Variants in GIPC2 observed in about 807,000 individuals in gnomAD.
The protein encoded by GIPC2 is GIPC PDZ domain containing family member 2.
A neutral mutation model predicts 30.6 loss-of-function variants in GIPC2; 30 were observed. The observed-to-expected ratio is 0.98, with a 90% CI of 0.73 to 1.33. The LOEUF is 1.33. Ranked by LOEUF, GIPC2 falls within the 40% of genes most tolerant of loss-of-function variation. GIPC2 has a pLI of 0.00. For missense variants in GIPC2, 414 were observed against 390.3 expected, an observed-to-expected ratio of 1.06 and a Z score of -0.51; for synonymous variants, 167 against 150.0, an observed-to-expected ratio of 1.11 and a Z score of -0.83.
At position 78,046,352 on chromosome 1, in the gene GIPC2, C is replaced by T. The variant is rs1159105440; in HGVS notation, c.240+18C>T. 3.8e-6 allele frequency: 6 copies of T among 1,590,318 alleles called. No individual in the cohort carries two copies. Among genetic ancestry groups the T allele is most frequent in the Non-Finnish European group, 4.3e-6 (5 of 1,167,570 alleles). ...CGTCGGAGGTAAGGCGCCAGGTGCT[C>T]AGGCTCTCCCGCCTCTCCGCCGCGC... On this transcript the variant is annotated intron_variant, in intron 1 of 5. Transcript: ENST00000370759.
intron 1 of GIPC2, among the ~76,000 whole-genome samples, chr1:78,076,638 C>T (rs552641705): frequency 2.9e-4 from 44 of 152,300 alleles, no homozygotes; most frequent in African/African-American, 8.9e-4. Flanking sequence ...CTGCTACTCA[C>T]CTCCTGCTGT....
intron 1 of GIPC2, among the ~76,000 whole-genome samples, chr1:78,077,425 AAT>A (rs1234483116): frequency 1.3e-5 from 2 of 152,178 alleles, no homozygotes; most frequent in African/African-American, 4.8e-5. Context: ...TAGAAAATGA[AAT>A]AGTCATGGGT....
intron 3 of GIPC2, among the ~76,000 whole-genome samples, chr1:78,097,651 T>G (rs1056822528): frequency 6.6e-6 from 1 of 152,182 alleles, no homozygotes; most frequent in Admixed American, 6.5e-5. Flanking sequence ...CAGGGGCCAT[T>G]ATATGTGTTA....
chr1:78,087,900 G>A (rs1661961554), intron 2 of GIPC2, among the ~76,000 whole-genome samples: 1 of 151,520 alleles, frequency 6.6e-6, no homozygotes, highest in Non-Finnish European at 1.5e-5. Context: ...TTTAAGGAAA[G>A]TTACCAGAAA....
At chr1:78,073,684 G>A (rs1200087521) in intron 1 of GIPC2, among the ~76,000 whole-genome samples, 1 of 152,152 alleles carries the variant, frequency 6.6e-6, no homozygotes, top group Non-Finnish European at 1.5e-5. Context: ...AGTTGGAAGT[G>A]GACTTCCTGG....
At chr1:78,065,029 G>A (rs1661478724) in intron 1 of GIPC2, among the ~76,000 whole-genome samples, 1 of 152,110 alleles carries the variant, frequency 6.6e-6, no homozygotes, top group African/African-American at 2.4e-5. Flanking sequence ...ATAGGTGTGA[G>A]CCACTGTGCC....
chr1:78,113,600 G>T (rs748297057), intron 3 of GIPC2, among the ~76,000 whole-genome samples: 29 of 152,080 alleles, frequency 1.9e-4, no homozygotes, highest in Non-Finnish European at 3.7e-4. Flanking sequence ...TATTGCCTAG[G>T]CTGGTCTCGA....
At chr1:78,067,442 T>C (rs781261209) in intron 1 of GIPC2, among the ~76,000 whole-genome samples, 3 of 152,136 alleles carry the variant, frequency 2.0e-5, no homozygotes, top group Non-Finnish European at 4.4e-5. Context: ...CAAATTTTTC[T>C]TTTCTTTTTC....
At chr1:78,053,104 T>C (rs1033237598) in intron 1 of GIPC2, among the ~76,000 whole-genome samples, 1 of 152,284 alleles carries the variant, frequency 6.6e-6, no homozygotes, top group South Asian at 2.1e-4. Flanking sequence ...AATATTACTA[T>C]TGAGGTCTGA....
Position 78,125,950 on chromosome 1 carries a change from G to A in GIPC2, c.784G>A (p.Asp262Asn). ...DVLELYMGIR[D>N]IDLATTMFEA... ...TCTTGAGTTGTACATGGGAATTCGA[G>A]ATATTGATTTAGGTAAGATTATACT... Residue 262 changes from aspartate to asparagine, a missense_variant, in exon 5 of 6, where the codon GAT (aspartate) becomes AAT (asparagine). Coordinates refer to ENST00000370759, the MANE Select transcript of GIPC2 (RefSeq NM_017655.6). 1.3e-6 allele frequency: 2 copies of A among 1,510,736 alleles called. No individual in the cohort carries two copies. The highest frequency in any genetic ancestry group is 1.8e-6 in the Non-Finnish European group (2 of 1,086,192). 93.6% of individuals were successfully genotyped at this position (1,510,736 alleles called of 1,614,324 possible). A position where few individuals can be genotyped will look rare whatever the true frequency, so the allele number is the denominator to read the frequency against.
In GIPC2 at chr1:78,118,247, C is replaced by CAAAAAAA. The variant is rs71810685; in HGVS notation, c.608-1129_608-1123dup. On this transcript the variant is annotated intron_variant, in intron 3 of 5. Coordinates refer to ENST00000370759, the MANE Select transcript of GIPC2 (RefSeq NM_017655.6). ...CTGGCCTGAGTCTCCAGTTTCATTG[C>CAAAAAAA]AAAAAAAAAAAAAAAAAAAAAAAGT... is the stretch of plus-strand genomic sequence containing the variant. 1.3e-3 allele frequency among the ~76,000 whole-genome samples: 46 copies of CAAAAAAA among 34,230 alleles called. 7 individuals carry two copies. The highest frequency in any genetic ancestry group is 3.8e-3 in the South Asian group (3 of 782). 22.5% of individuals were successfully genotyped at this position (34,230 alleles called of 152,430 possible).
chr1:78,049,893 CTTTTTTTTTTT>C (rs35263483), intron 1 of GIPC2, among the ~76,000 whole-genome samples: 5 of 98,464 alleles, frequency 5.1e-5, no homozygotes, highest in African/African-American at 1.1e-4. Flanking sequence ...AGAAAAACCT[CTTTTTTTTTTT>C]TTTTTTTTTT....
At chr1:78,105,277 T>G (rs1476961633) in intron 3 of GIPC2, among the ~76,000 whole-genome samples, 1 of 151,944 alleles carries the variant, frequency 6.6e-6, no homozygotes, top group Non-Finnish European at 1.5e-5. Flanking sequence ...GATTGATGTC[T>G]TGTAACTGTA....
intron 3 of GIPC2, among the ~76,000 whole-genome samples, chr1:78,097,000 T>C (rs1662149694): frequency 6.6e-6 from 1 of 152,198 alleles, no homozygotes; most frequent in African/African-American, 2.4e-5. Context: ...CTGGCTGCTC[T>C]GCCTGTCCTC....
intron 4 of GIPC2, among the ~76,000 whole-genome samples, chr1:78,125,343 T>TA (rs1662762636): frequency 1.3e-5 from 2 of 152,132 alleles, no homozygotes; most frequent in African/African-American, 4.8e-5. Context: ...CCCAGCTAAT[T>TA]ATTTTAATTA....
chr1:78,116,404 G>A (rs1401120320), intron 3 of GIPC2, among the ~76,000 whole-genome samples: 7 of 152,038 alleles, frequency 4.6e-5, no homozygotes, highest in African/African-American at 1.4e-4. Flanking sequence ...TGTGAACAAC[G>A]TGCAGGTTTG....
chr1:78,125,404 G>T (rs1662764604), intron 4 of GIPC2, among the ~76,000 whole-genome samples: 1 of 151,978 alleles, frequency 6.6e-6, no homozygotes, highest in Admixed American at 6.6e-5. Flanking sequence ...TGCCTGGGCT[G>T]GTCTTGAACT....
At position 78,064,742 on chromosome 1, in the gene GIPC2, C is replaced by CTT. The variant is rs11327469; in HGVS notation, c.241-15915_241-15914dup. 2.2e-3 allele frequency among the ~76,000 whole-genome samples: 232 copies of CTT among 106,686 alleles called. 3 individuals are homozygous for CTT. Among genetic ancestry groups the CTT allele is most frequent in the East Asian group, 4.8e-3 (18 of 3,788 alleles). The allele number at this position is 106,686 out of a possible 152,430, so 70.0% of individuals were successfully genotyped here. On this transcript the variant is annotated intron_variant, in intron 1 of 5. Transcript: ENST00000370759. The stretch of plus-strand genomic sequence containing the variant: ...GTGGTACAATCATAACTCATGCAAC[C>CTT]TTTTTTTTTTTTTTTTTTTGAGATG...
At chr1:78,055,391 A>T (rs1661270244) in intron 1 of GIPC2, among the ~76,000 whole-genome samples, 1 of 152,154 alleles carries the variant, frequency 6.6e-6, no homozygotes, top group Non-Finnish European at 1.5e-5. Flanking sequence ...GGAGGTAAGG[A>T]AGCTTAGGAC....
Sources: gnomAD v4.1 joint callset for allele counts (sites outside exome capture counted in the v4.1 genomes callset) on GRCh38, gnomAD v4.1.1 for gene constraint, MANE v1.5 for transcripts, NCBI Gene and HGNC (gene_info 2026-07-23, HGNC 2026-07-21) for gene names.